HABP4: variants seen among roughly 807,000 people sequenced by gnomAD.
HABP4 encodes the protein intracellular hyaluronan-binding protein 4.
In HABP4, 32 loss-of-function variants were observed where a neutral mutation model predicts 44.1. The observed-to-expected ratio is 0.73, with a 90% CI of 0.55 to 0.97. The LOEUF is 0.97. HABP4 is among the 50% of genes least tolerant of loss of function. The pLI, the probability that HABP4 is intolerant of heterozygous loss-of-function variation, is 0.00. For synonymous variants in HABP4, 216 were observed against 218.0 expected, an observed-to-expected ratio of 0.99 and a Z score of 0.08; for missense variants, 503 against 561.9, an observed-to-expected ratio of 0.90 and a Z score of 1.06.
At chr9:96,459,055 C>T (rs912345407) in intron 2 of HABP4, among the ~76,000 whole-genome samples, 1 of 152,148 alleles carries the variant, frequency 6.6e-6, no homozygotes. Flanking sequence ...GATGCCTTTA[C>T]GTCTTGGTTC....
intron 5 of HABP4, among the ~76,000 whole-genome samples, chr9:96,481,485 G>A (rs1384959839): frequency 6.6e-6 from 1 of 152,088 alleles, no homozygotes; most frequent in East Asian, 1.9e-4. Flanking sequence ...GTTCAGATCT[G>A]TAATCCCAAC....
chr9:96,468,482 A>G (rs988977556), intron 4 of HABP4, among the ~76,000 whole-genome samples: 2 of 152,058 alleles, frequency 1.3e-5, no homozygotes, highest in African/African-American at 4.8e-5. Context: ...GATGGTCTCA[A>G]TCTCCTGACC....
At chr9:96,454,878 G>T (rs868277256) in intron 1 of HABP4, among the ~76,000 whole-genome samples, 7 of 152,198 alleles carry the variant, frequency 4.6e-5, no homozygotes, top group Non-Finnish European at 1.0e-4. Context: ...GCACTGGGAG[G>T]CTAGGCGGGA....
intron 5 of HABP4, among the ~76,000 whole-genome samples, chr9:96,481,138 G>A (rs1175058555): frequency 2.0e-5 from 3 of 152,172 alleles, no homozygotes; most frequent in African/African-American, 7.2e-5. Flanking sequence ...AGGCTGGAGT[G>A]CAGTGGTGCC....
At chr9:96,475,765 A>G (rs1404722431) in intron 5 of HABP4, among the ~76,000 whole-genome samples, 1 of 152,182 alleles carries the variant, frequency 6.6e-6, no homozygotes, top group South Asian at 2.1e-4. Flanking sequence ...TGGAGCATCA[A>G]CTCCCATCCT....
intron 6 of HABP4, among the ~76,000 whole-genome samples, chr9:96,487,506 A>T (rs952410033): frequency 3.3e-5 from 5 of 152,192 alleles, no homozygotes; most frequent in African/African-American, 1.2e-4. Flanking sequence ...TCTTGTTTTT[A>T]TAAAGTTTCT....
intron 5 of HABP4, among the ~76,000 whole-genome samples, chr9:96,472,567 C>G (rs181260555): frequency 5.9e-5 from 9 of 152,222 alleles, no homozygotes; most frequent in Non-Finnish European, 8.8e-5. Flanking sequence ...TGCCATCCCC[C>G]CCGACCTCTT....
In HABP4 at chr9:96,490,118, A is replaced by G. The variant is rs1404313330; in HGVS notation, c.*80A>G. 4.7e-6 allele frequency: 4 copies of G among 848,736 alleles called. No individual in the cohort carries two copies. The African/African-American group carries it at 5.0e-5, about 11-fold the overall frequency. 52.6% of individuals were successfully genotyped at this position (848,736 alleles called of 1,614,324 possible). On this transcript the variant is annotated 3_prime_UTR_variant, in exon 8 of 8. Transcript: ENST00000375249. ...TTTCCAGCTGGGCCAAGGGAGTCAG[A>G]CTCTAAGAACAATAGATGTTGCTTT...
In HABP4 at chr9:96,474,362, T is replaced by C. The variant is rs1053572484; in HGVS notation, c.827+3268T>C. Among the ~76,000 whole-genome samples, 7 of 152,306 alleles carry C rather than the reference T, an allele frequency of 4.6e-5. No homozygotes were observed. In the East Asian group the frequency reaches 1.3e-3, roughly 29 times the overall value. On this transcript the variant is annotated intron_variant, in intron 5 of 7. Coordinates refer to ENST00000375249, the MANE Select transcript of HABP4 (RefSeq NM_014282.4). The stretch of plus-strand genomic sequence containing the variant: ...TTGAGCCAATAAACATTTATACAAA[T>C]TCAGGTAATATAAGGCAGAATAATA...
intron 2 of HABP4, among the ~76,000 whole-genome samples, chr9:96,462,677 G>C (rs912719810): frequency 5.9e-5 from 9 of 151,870 alleles, no homozygotes; most frequent in Admixed American, 1.3e-4. Flanking sequence ...CGTAGTCCTA[G>C]CACTTTGGGA....
rs1300025205 is a variant in HABP4, at chr9:96,490,286, T to C, written c.*248T>C. 1 of 548,760 alleles carries C rather than the reference T, an allele frequency of 1.8e-6. No homozygotes were observed. Among genetic ancestry groups the C allele is most frequent in the Non-Finnish European group, 3.3e-6 (1 of 307,242 alleles). The allele number at this position is 548,760 out of a possible 1,614,324, so 34.0% of individuals were successfully genotyped here. On this transcript the variant is annotated 3_prime_UTR_variant, in exon 8 of 8. Transcript: ENST00000375249. ...TGAAGGAATTTCAAATGAAGAATAA[T>C]GTTTAAAATGTGTATATAGAGATAG...
At chr9:96,464,514 G>T (rs939022414) in intron 2 of HABP4, among the ~76,000 whole-genome samples, 2 of 152,240 alleles carry the variant, frequency 1.3e-5, no homozygotes, top group African/African-American at 4.8e-5. Flanking sequence ...TTTCCCTTCT[G>T]TGAATCTTGA....
At chr9:96,470,778 TC>T (rs754692751) in intron 4 of HABP4, among the ~76,000 whole-genome samples, 1 of 151,154 alleles carries the variant, frequency 6.6e-6, no homozygotes, top group South Asian at 2.1e-4. Context: ...ACGCCTGTAA[TC>T]CCAGTTACTC....
chr9:96,480,542 T>A (rs1832858598), intron 5 of HABP4, among the ~76,000 whole-genome samples: 1 of 152,220 alleles, frequency 6.6e-6, no homozygotes, highest in Non-Finnish European at 1.5e-5. Context: ...AGCGAACATC[T>A]ATACTTACCA....
intron 5 of HABP4, among the ~76,000 whole-genome samples, chr9:96,472,210 C>T (rs1832710510): frequency 6.6e-6 from 1 of 152,190 alleles, no homozygotes; most frequent in Admixed American, 6.5e-5. Context: ...CCTGTTCCCA[C>T]AAGCTGAGCA....
chr9:96,463,584 C>T (rs559343436), intron 2 of HABP4, among the ~76,000 whole-genome samples: 1 of 152,076 alleles, frequency 6.6e-6, no homozygotes, highest in Admixed American at 6.5e-5. Context: ...AGTTTAGGAT[C>T]AGGTTTTGCT....
At chr9:96,462,250 G>A (rs1456493442) in intron 2 of HABP4, among the ~76,000 whole-genome samples, 4 of 151,654 alleles carry the variant, frequency 2.6e-5, no homozygotes, top group African/African-American at 7.3e-5. Context: ...TCAGGAATTC[G>A]ATTCCAGCCT....
At chr9:96,452,993 T>C (rs1418457793) in intron 1 of HABP4, among the ~76,000 whole-genome samples, 2 of 145,756 alleles carry the variant, frequency 1.4e-5, no homozygotes, top group Admixed American at 6.9e-5. Flanking sequence ...TGATCTCGGT[T>C]CACTGCAACC....
In HABP4 at chr9:96,488,077, A is replaced by G. The variant is rs1833006062; in HGVS notation, c.1000-12A>G. The G allele has an allele frequency of 1.2e-6, 2 of 1,600,462 alleles. No individual in the cohort carries two copies. The highest frequency in any genetic ancestry group is 8.6e-7 in the Non-Finnish European group (1 of 1,168,224). On this transcript the variant is annotated splice_polypyrimidine_tract_variant and intron_variant, in intron 6 of 7. Coordinates refer to ENST00000375249, the MANE Select transcript of HABP4 (RefSeq NM_014282.4). This position sits in a 1 kb window ranked among gnomAD's most constrained non-coding sequence, Gnocchi z 4.6. Reference sequence around the variant, plus strand: ...GGACTTGTGCGTGTTTGATGCTGTAATTGTGTTTCAGATGGTAAAAGATGA... The same window carrying G: ...GGACTTGTGCGTGTTTGATGCTGTAGTTGTGTTTCAGATGGTAAAAGATGA...
Sources: allele counts gnomAD v4.1 joint callset (sites outside exome capture counted in the v4.1 genomes callset), GRCh38; gene constraint gnomAD v4.1.1; non-coding constraint Gnocchi (gnomAD v3.1); transcripts MANE v1.5; gene names NCBI Gene and HGNC (gene_info 2026-07-23, HGNC 2026-07-21).